DDB1: variants seen among roughly 807,000 people sequenced by gnomAD.
The protein encoded by DDB1 is damage specific DNA binding protein 1.
Under a neutral mutation model 133.1 loss-of-function variants are expected in DDB1, and 18 were observed. The ratio of observed to expected loss-of-function variants is 0.14; its 90% CI spans 0.09 to 0.20. DDB1 has a LOEUF of 0.20. Ranked by LOEUF, DDB1 falls within the 10% of genes least tolerant of loss-of-function variation. The pLI is 1.00. For missense variants in DDB1, 828 were observed against 1,459.2 expected (o/e 0.57, Z 7.05); for synonymous variants, 580 against 550.5 (o/e 1.05, Z -0.75).
intron 10 of DDB1, among the ~76,000 whole-genome samples, chr11:61,318,444 G>A (rs1220907682): frequency 6.6e-6 from 1 of 152,138 alleles, no homozygotes; most frequent in Admixed American, 6.6e-5. Flanking sequence ...CCAACATAAT[G>A]TGTGGTCAAA....
At chr11:61,332,804 C>T in intron 1 of DDB1, 104 bp downstream of exon 1, 1 of 1,024,174 alleles carries the variant, frequency 9.8e-7, no homozygotes, top group South Asian at 2.5e-5. Flanking sequence ...TTCCATTCGC[C>T]GGGCCCACTC....
At position 61,310,339 on chromosome 11, in the gene DDB1, A is replaced by G; in HGVS notation, c.2357T>C (p.Val786Ala). 6.2e-7 allele frequency: 1 copy of G among 1,612,792 alleles called. No homozygotes were observed. The highest frequency in any genetic ancestry group is 8.5e-7 in the Non-Finnish European group (1 of 1,179,814). The change falls in exon 19 of 27, where the codon GTG (valine) becomes GCG (alanine). Residue 786 changes from valine (V) to alanine (A), a missense_variant. Val to Ala is a moderately conservative substitution (Grantham distance 64). Coordinates refer to ENST00000301764, the MANE Select transcript of DDB1 (RefSeq NM_001923.5). ...AATGATAAGTAGGTTGTGCACCTCC[A>G]CCTCTTCTCCAAAGGAGGTCTCATG... is the stretch of plus-strand genomic sequence containing the variant. ...APHETSFGEE[V>A]EVHNLLIIDQ... is the part of the protein sequence containing the mutation.
intron 20 of DDB1, among the ~76,000 whole-genome samples, chr11:61,309,371 G>A (rs566335550): frequency 2.1e-4 from 32 of 152,094 alleles, no homozygotes; most frequent in Non-Finnish European, 3.5e-4. Context: ...TGAGATTTCC[G>A]GGCTGATAGT....
intron 21 of DDB1, among the ~76,000 whole-genome samples, chr11:61,304,612 C>T (rs1855855059): frequency 6.6e-6 from 1 of 152,186 alleles, no homozygotes; most frequent in Non-Finnish European, 1.5e-5. Flanking sequence ...CAGTGGCTCA[C>T]GCCTGTAATC....
At position 61,300,147 on chromosome 11, in the gene DDB1, G is replaced by A; in HGVS notation, c.3412C>T (p.Arg1138Trp). 2 of 1,614,118 alleles carry A rather than the reference G, an allele frequency of 1.2e-6. No homozygotes were observed. Among genetic ancestry groups the A allele is most frequent in the Non-Finnish European group, 1.7e-6 (2 of 1,180,010 alleles). ...DLIKVVEELT[R>W]IH is the part of the protein sequence containing the mutation. Reference sequence around the variant, plus strand: ...CCCCCTGCCCTTGGCTAATGGATCCGAGTTAGCTCCTCCACAACCTTGATG... The same window carrying A: ...CCCCCTGCCCTTGGCTAATGGATCCAAGTTAGCTCCTCCACAACCTTGATG... Residue 1138 changes from arginine (R) to tryptophan (W), a missense_variant, in exon 27 of 27, where the codon CGG becomes TGG. Physicochemically the swap from Arg to Trp is moderately radical, Grantham distance 101. Transcript: ENST00000301764.
chr11:61,314,442 A>C lies in DDB1; in HGVS notation c.1455T>G (p.Ala485=), dbSNP rs199877359. 1 of 1,614,034 alleles carries C rather than the reference A, an allele frequency of 6.2e-7. No individual in the cohort carries two copies. Among genetic ancestry groups the C allele is most frequent in the East Asian group, 2.2e-5 (1 of 44,886 alleles). Residue 485 remains alanine, a synonymous_variant, in exon 13 of 27, where the codon GCT becomes GCG. Transcript: ENST00000301764. ...GAGGCTCCTTCCATTCACTGACCAG[A>C]GCTTTGGGTTCTTGAGAGACCAACC... ...SVRLVSQEPK[A]LVSEWKEPQA... is the part of the protein sequence containing the mutation.
intron 21 of DDB1, among the ~76,000 whole-genome samples, chr11:61,304,873 G>A (rs1337843599): frequency 2.9e-5 from 4 of 138,122 alleles, no homozygotes; most frequent in African/African-American, 5.4e-5. Context: ...GTGAGACTCC[G>A]CCTAAAAAAA....
intron 25 of DDB1, 39 bp downstream of exon 25, chr11:61,302,218 A>T (rs1257851549): frequency 2.6e-5 from 41 of 1,565,448 alleles, no homozygotes; most frequent in Non-Finnish European, 3.5e-5. Context: ...ATATGCCGGG[A>T]TGTGCTTCCC....
At chr11:61,310,504 A>G in intron 18 of DDB1, 86 bp from the exon 19 acceptor site, 1 of 1,433,654 alleles carries the variant, frequency 7.0e-7, no homozygotes, top group Non-Finnish European at 9.2e-7. Flanking sequence ...TCAGATCAGG[A>G]CACAAAGGCT....
chr11:61,327,607 G>T (rs1856291033), intron 4 of DDB1: 1 of 152,294 alleles, frequency 6.6e-6, no homozygotes, highest in Non-Finnish European at 1.5e-5. Context: ...AATAATGGTA[G>T]AGAGAACACA....
chr11:61,330,219 A>C, intron 2 of DDB1, 145 bp from the exon 3 acceptor site: 1 of 615,890 alleles, frequency 1.6e-6, no homozygotes, highest in Non-Finnish European at 2.8e-6. Flanking sequence ...TGTAACCCAC[A>C]CTAGGTACAC....
intron 16 of DDB1, 66 bp from the exon 17 acceptor site, chr11:61,312,150 TCCA>T: frequency 7.0e-7 from 1 of 1,419,028 alleles, no homozygotes; most frequent in Non-Finnish European, 1.0e-6. Flanking sequence ...ATGAGGCAAC[TCCA>T]CAGAGGAAGA....
chr11:61,326,953 G>A, intron 4 of DDB1, 60 bp from the exon 5 acceptor site: 1 of 1,260,538 alleles, frequency 7.9e-7, no homozygotes, highest in African/African-American at 1.5e-5. Flanking sequence ...GCTAGAGAGA[G>A]GTGCTGTAAG....
Position 61,300,027 on chromosome 11 carries a change from G to A in DDB1, c.*109C>T. 3.7e-6 allele frequency: 4 copies of A among 1,078,078 alleles called. No individual in the cohort carries two copies. The South Asian group carries it at 5.2e-5, about 14-fold the overall frequency. The allele number at this position is 1,078,078 out of a possible 1,614,324, so 66.8% of individuals were successfully genotyped here. On this transcript the variant is annotated 3_prime_UTR_variant, in exon 27 of 27. Transcript: ENST00000301764. ...GGGAACTGTGGCTCTGGGGGCAGCTGGCTTAGGGAAAGGCCTCCCATGGCC... is the reference window on the plus strand; with the variant it reads ...GGGAACTGTGGCTCTGGGGGCAGCTAGCTTAGGGAAAGGCCTCCCATGGCC...
chr11:61,317,976 A>G (rs1156557258), intron 10 of DDB1, among the ~76,000 whole-genome samples: 2 of 152,182 alleles, frequency 1.3e-5, no homozygotes, highest in African/African-American at 2.4e-5. Context: ...CCTGGGCTCA[A>G]GTGATCCTCC....
rs1258417849 is a variant in DDB1, at chr11:61,303,097, T to C, written c.2891A>G (p.Asn964Ser). ...AAAGGCATTTTCAGCCCCCAGAAAA[T>C]TGTCATCATCCAAGATTTCCACAGC... is the stretch of plus-strand genomic sequence containing the variant. ...MSAVEILDDD[N>S]FLGAENAFNL... Residue 964 changes from asparagine to serine, a missense_variant, in exon 23 of 27, where the codon AAT becomes AGT. Asn to Ser is a conservative substitution (Grantham distance 46). Transcript: ENST00000301764. The C allele has an allele frequency of 1.9e-6, 3 of 1,614,146 alleles. No homozygotes were observed. Among genetic ancestry groups the C allele is most frequent in the East Asian group, 2.2e-5 (1 of 44,872 alleles).
At chr11:61,322,667 T>C in intron 8 of DDB1, 3 of 548,756 alleles carry the variant, frequency 5.5e-6, no homozygotes, top group Non-Finnish European at 9.7e-6. Flanking sequence ...TGTTTGAAAA[T>C]TAATGTAAAA....
Position 61,324,064 on chromosome 11 carries a change from C to T in DDB1, c.836G>A (p.Arg279Gln), listed in dbSNP as rs1856229808. The change falls in exon 7 of 27, where the codon CGG becomes CAG. Residue 279 changes from arginine to glutamine, a missense_variant. Arg to Gln is a conservative substitution (Grantham distance 43). This residue lies in a region of DDB1 where 35 missense variants were observed against 57.5 expected (regional missense o/e 0.61). Transcript: ENST00000301764. ...SRYLLGDMEG[R>Q]LFMLLLEKEE... ...CTTCTCCAAAAGCAGCATGAAGAGCCGGCCTTCCATGTCTCCCAGCAGGTA... is the reference window on the plus strand; with the variant it reads ...CTTCTCCAAAAGCAGCATGAAGAGCTGGCCTTCCATGTCTCCCAGCAGGTA... 2 of 1,614,022 alleles carry T rather than the reference C, an allele frequency of 1.2e-6. No individual in the cohort carries two copies. Among genetic ancestry groups the T allele is most frequent in the East Asian group, 2.2e-5 (1 of 44,884 alleles).
At position 61,316,537 on chromosome 11, in the gene DDB1, C is replaced by A. The variant is rs553181699; in HGVS notation, c.1256G>T (p.Arg419Leu). Residue 419 changes from arginine (R) to leucine (L), a missense_variant, in exon 11 of 27, where the codon CGT becomes CTT. Physicochemically the swap from Arg to Leu is moderately radical, Grantham distance 102. Around this residue, in one of 7 missense-constraint regions of DDB1, gnomAD observed 396 missense variants for 554.1 expected, o/e 0.71. Coordinates refer to ENST00000301764, the MANE Select transcript of DDB1 (RefSeq NM_001923.5). ...GAGCACCAAAGTGTCATCAGTCTCA[C>A]GATTAGGGTCAGACCGCAGTGGCCA... ...GLWPLRSDPN[R>L]ETDDTLVLSF... 12 of 1,614,086 alleles carry A rather than the reference C, an allele frequency of 7.4e-6. No homozygotes were observed. The East Asian group carries it at 2.7e-4, about 36-fold the overall frequency.
Sources: allele counts gnomAD v4.1 joint callset (sites outside exome capture counted in the v4.1 genomes callset), GRCh38; gene constraint gnomAD v4.1.1; regional missense constraint gnomAD v4.1.1; transcripts MANE v1.5; gene names NCBI Gene and HGNC (gene_info 2026-07-23, HGNC 2026-07-21).